NRAP: variants seen among roughly 807,000 people sequenced by gnomAD.
NRAP encodes nebulin related anchoring protein, also known as nebulin-related-anchoring protein.
NRAP carries 189 observed loss-of-function variants against 225.9 expected under a neutral mutation model. The ratio of observed to expected loss-of-function variants is 0.84; its 90% CI spans 0.74 to 0.94. The LOEUF (loss-of-function observed/expected upper bound fraction) is 0.94, where lower values mean the gene tolerates loss of function less well. Among genes scored for constraint, NRAP ranks in the 40% least tolerant of loss-of-function variants. The pLI is 0.00. For missense variants in NRAP, 2,176 were observed against 2,168.7 expected (o/e 1.00, Z -0.07); for synonymous variants, 769 against 790.7 (o/e 0.97, Z 0.46).
At chr10:113,652,670 T>C (rs558470153) in intron 6 of NRAP, among the ~76,000 whole-genome samples, 61 of 152,028 alleles carry the variant, frequency 4.0e-4, no homozygotes, top group Non-Finnish European at 8.1e-4. Context: ...AATAATGTGT[T>C]CAGTGCTAAA....
intron 41 of NRAP, 85 bp from the exon 42 acceptor site, chr10:113,589,164 A>G: frequency 3.8e-6 from 4 of 1,053,074 alleles, no homozygotes; most frequent in Non-Finnish European, 5.7e-6. Context: ...CACGCTAAGA[A>G]GCACAGGGAG....
chr10:113,614,328 G>T, intron 28 of NRAP, 32 bp from the exon 29 acceptor site: 1 of 1,420,836 alleles, frequency 7.0e-7, no homozygotes, highest in Non-Finnish European at 1.0e-6. Context: ...GAGAGGAACA[G>T]CTCAGGGATA....
intron 36 of NRAP, among the ~76,000 whole-genome samples, chr10:113,597,563 C>A (rs566171918): frequency 6.6e-6 from 1 of 152,154 alleles, no homozygotes; most frequent in South Asian, 2.1e-4. Context: ...GCAGGGATCC[C>A]CAGGCTGTTA....
chr10:113,637,244 C>T (rs1848925700), intron 14 of NRAP, among the ~76,000 whole-genome samples: 1 of 152,144 alleles, frequency 6.6e-6, no homozygotes, highest in Non-Finnish European at 1.5e-5. Flanking sequence ...TAATCCTTCC[C>T]ACCACCCTAT....
At chr10:113,616,456 G>T (rs1342051265) in intron 26 of NRAP, among the ~76,000 whole-genome samples, 1 of 152,178 alleles carries the variant, frequency 6.6e-6, no homozygotes, top group Non-Finnish European at 1.5e-5. Flanking sequence ...CCTAGAGTTG[G>T]CTAGGATAAG....
At chr10:113,663,751 T>G in intron 1 of NRAP, 60 bp downstream of exon 1, 4 of 1,180,598 alleles carry the variant, frequency 3.4e-6, no homozygotes, top group Non-Finnish European at 5.1e-6. Context: ...TGTCCATATG[T>G]GAGAAGGTCA....
In NRAP at chr10:113,661,272, TTAAG is replaced by T. The variant is rs1401462028; in HGVS notation, c.255+1403_255+1406del. On this transcript the variant is annotated intron_variant, in intron 3 of 41. Transcript: ENST00000359988. ...TGAGTTGTGGTGTACGTTAAATTAATTAAGTGCTTCTACAGTAAATGCTATATAT... is the reference window on the plus strand; with the variant it reads ...TGAGTTGTGGTGTACGTTAAATTAATTGCTTCTACAGTAAATGCTATATAT... 3.3e-5 allele frequency among the ~76,000 whole-genome samples: 5 copies of T among 152,228 alleles called. No individual in the cohort carries two copies. In the East Asian group the frequency reaches 9.6e-4, roughly 29 times the overall value.
At chr10:113,609,238 G>T (rs2133918083) in intron 31 of NRAP, among the ~76,000 whole-genome samples, 1 of 152,206 alleles carries the variant, frequency 6.6e-6, no homozygotes, top group Middle Eastern at 3.4e-3. Flanking sequence ...TGAGAGACTG[G>T]GATTCAGTAA....
At position 113,589,716 on chromosome 10, in the gene NRAP, G is replaced by A. The variant is rs149864957; in HGVS notation, c.5038C>T (p.Arg1680Trp). The A allele has an allele frequency of 7.4e-5, 119 of 1,614,124 alleles. No individual in the cohort carries two copies. In the Admixed American group the frequency reaches 8.5e-4, roughly 12 times the overall value. ...PGSYKVEMAR[R>W]AAELANARGL... ...CTTGCGTTGGCCAGTTCCGCAGCCC[G>A]CCGAGCCATTTCCACTTTGTAGGAG... is the stretch of plus-strand genomic sequence containing the variant. The change falls in exon 41 of 42, where the codon CGG (arginine) becomes TGG (tryptophan). Residue 1680 changes from arginine (R) to tryptophan (W), a missense_variant. Arg to Trp is a moderately radical substitution (Grantham distance 101). Around this residue, in one of 3 missense-constraint regions of NRAP, gnomAD observed 445 missense variants for 426.1 expected, o/e 1.04. Coordinates refer to ENST00000359988, the MANE Select transcript of NRAP (RefSeq NM_198060.4).
chr10:113,620,576 C>G, intron 25 of NRAP, 28 bp downstream of exon 25: 1 of 1,369,878 alleles, frequency 7.3e-7, no homozygotes, highest in Non-Finnish European at 1.0e-6. Flanking sequence ...TGCAGCCAGG[C>G]CTGTTACAGG....
intron 35 of NRAP, among the ~76,000 whole-genome samples, chr10:113,601,587 C>T (rs749882825): frequency 1.3e-5 from 2 of 152,228 alleles, no homozygotes; most frequent in Non-Finnish European, 2.9e-5. Context: ...AAATGTAATA[C>T]ATATCCTGCC....
chr10:113,663,906 A>C lies in NRAP; in HGVS notation c.-24T>G, dbSNP rs1394789570. On this transcript the variant is annotated 5_prime_UTR_variant, in exon 1 of 42. Transcript: ENST00000359988. ...ATCTCGAAGCCGGAAGAGAGAGGAC[A>C]AAGATAGGCAACAGGCAAGAAATGC... 6.3e-7 allele frequency: 1 copy of C among 1,581,890 alleles called. No homozygotes were observed.
chr10:113,598,839 C>T (rs556619048), intron 35 of NRAP, among the ~76,000 whole-genome samples: 2 of 152,272 alleles, frequency 1.3e-5, no homozygotes, highest in South Asian at 4.1e-4. Flanking sequence ...TATTTTCTTT[C>T]CTCATTTTAA....
At chr10:113,591,857 T>C (rs7091375) in intron 39 of NRAP, among the ~76,000 whole-genome samples, 1 of 152,202 alleles carries the variant, frequency 6.6e-6, no homozygotes, top group Non-Finnish European at 1.5e-5. Context: ...CTCTTTCTAC[T>C]CTACCACACT....
intron 11 of NRAP, among the ~76,000 whole-genome samples, chr10:113,645,610 T>G (rs1849456093): frequency 6.6e-6 from 1 of 151,976 alleles, no homozygotes; most frequent in Non-Finnish European, 1.5e-5. Context: ...AGAGACGGGG[T>G]TTCTCCATGT....
chr10:113,654,267 T>C (rs768497962), intron 4 of NRAP, 142 bp from the exon 5 acceptor site: 11 of 579,174 alleles, frequency 1.9e-5, no homozygotes, highest in Non-Finnish European at 3.1e-5. Flanking sequence ...GAAATGTTCA[T>C]TTATTTCAGG....
chr10:113,631,465 AAC>A, intron 18 of NRAP, 42 bp downstream of exon 18: 1 of 1,264,276 alleles, frequency 7.9e-7, no homozygotes, highest in East Asian at 2.4e-5. Context: ...CTTTTAAAAT[AAC>A]ACAACTGTAA....
rs550108504 is a variant in NRAP at position 113,650,609 on chromosome 10, C to G, written c.676-64G>C. Reference sequence around the variant, plus strand: ...TATCAGATGATCTTAGTGAGATGCTCTGCTAAGGGTTCCATGACATCCTGC... The same window carrying G: ...TATCAGATGATCTTAGTGAGATGCTGTGCTAAGGGTTCCATGACATCCTGC... On this transcript the variant is annotated intron_variant, in intron 7 of 41. Transcript: ENST00000359988. 5.4e-6 allele frequency: 6 copies of G among 1,110,018 alleles called. No homozygotes were observed. The African/African-American group carries it at 9.1e-5, about 17-fold the overall frequency. The allele number at this position is 1,110,018 out of a possible 1,614,324, so 68.8% of individuals were successfully genotyped here.
rs781496592 is a variant in NRAP, at chr10:113,589,726, T to C, written c.5028A>G (p.Glu1676=). 6.2e-7 allele frequency: 1 copy of C among 1,614,028 alleles called. No individual in the cohort carries two copies. The highest frequency in any genetic ancestry group is 8.5e-7 in the Non-Finnish European group (1 of 1,180,042). The change falls in exon 41 of 42, where the codon GAA becomes GAG. Residue 1676 remains glutamate (E), a synonymous_variant. Transcript: ENST00000359988. The part of the protein sequence containing the change: ...GWTPPGSYKV[E]MARRAAELAN... ...CCAGTTCCGCAGCCCGCCGAGCCATTTCCACTTTGTAGGAGCCAGGAGGGG... is the reference window on the plus strand; with the variant it reads ...CCAGTTCCGCAGCCCGCCGAGCCATCTCCACTTTGTAGGAGCCAGGAGGGG...
Sources: gnomAD v4.1 joint callset for allele counts (sites outside exome capture counted in the v4.1 genomes callset) on GRCh38, gnomAD v4.1.1 for gene constraint, gnomAD v4.1.1 regional missense constraint, MANE v1.5 for transcripts, NCBI Gene and HGNC (gene_info 2026-07-23, HGNC 2026-07-21) for gene names.